The following RGS3 variants were observed in gnomAD, a reference collection of about 807,000 sequenced individuals.
RGS3 encodes the protein regulator of G protein signaling 3.
Under a neutral mutation model 132.6 loss-of-function variants are expected in RGS3, and 80 were observed. The observed-to-expected ratio is 0.60, with a 90% CI of 0.50 to 0.73. The LOEUF (loss-of-function observed/expected upper bound fraction) is 0.73, where lower values mean the gene tolerates loss of function less well. Ranked by LOEUF, RGS3 falls within the 30% of genes least tolerant of loss-of-function variation. The pLI is 0.00. For synonymous variants in RGS3, 598 were observed against 620.6 expected, an observed-to-expected ratio of 0.96 and a Z score of 0.54; for missense variants, 1,382 against 1,530.8, an observed-to-expected ratio of 0.90 and a Z score of 1.62.
At chr9:113,451,895 A>T (rs563802849) in intron 1 of RGS3, among the ~76,000 whole-genome samples, 1 of 152,230 alleles carries the variant, frequency 6.6e-6, no homozygotes, top group South Asian at 2.1e-4. Flanking sequence ...GCAGATGATG[A>T]ATTCAGTCAG....
chr9:113,508,344 T>C (rs1007122175), intron 13 of RGS3, among the ~76,000 whole-genome samples, 197 bp from the exon 12 acceptor site: 13 of 152,198 alleles, frequency 8.5e-5, no homozygotes, highest in African/African-American at 3.1e-4. Flanking sequence ...CCATAAAGCC[T>C]CTTTCAACTT....
chr9:113,494,513 C>A (rs1210816915), intron 7 of RGS3, among the ~76,000 whole-genome samples: 2 of 152,202 alleles, frequency 1.3e-5, no homozygotes, highest in African/African-American at 2.4e-5. Context: ...TTAGTGCTGA[C>A]TTGGCCACTT....
At chr9:113,475,905 A>C (rs764681978) in intron 3 of RGS3, among the ~76,000 whole-genome samples, 10 of 152,026 alleles carry the variant, frequency 6.6e-5, no homozygotes, top group Non-Finnish European at 1.5e-4. Context: ...AGACATTTCT[A>C]GGAGGCTGCC....
intron 3 of RGS3, among the ~76,000 whole-genome samples, chr9:113,476,603 G>A (rs929403596): frequency 2.6e-5 from 4 of 152,214 alleles, no homozygotes; most frequent in African/African-American, 9.6e-5. Context: ...TGGAACGGGA[G>A]CAGTGCAGTG....
chr9:113,590,557 TATCCATCCATCC>T (rs746005388), intron 20 of RGS3, among the ~76,000 whole-genome samples: 1,950 of 148,620 alleles, frequency 0.013, 52 homozygotes, highest in African/African-American at 0.044. Flanking sequence ...CCTATCCACA[TATCCATCCATCC>T]ATCCATCCAT....
rs146998797 is a variant in RGS3, at chr9:113,569,267, C to T, written c.2038-14183C>T. 1.8e-3 allele frequency among the ~76,000 whole-genome samples: 269 copies of T among 152,168 alleles called. 6 individuals carry two copies. The East Asian group carries it at 0.044, about 25-fold the overall frequency. ...TTAGCCTTGGGCAAATAGCAGAGCT[C>T]GGGGACTCAGGGAAGGGTGGCAGAG... is the stretch of plus-strand genomic sequence containing the variant. On this transcript the variant is annotated intron_variant, in intron 19 of 24. Transcript: ENST00000350696.
In RGS3 at chr9:113,464,643, G is replaced by C. The variant is rs1166531959; in HGVS notation, c.415+2442G>C. Among the ~76,000 whole-genome samples, 3 of 152,202 alleles carry C rather than the reference G, an allele frequency of 2.0e-5. No homozygotes were observed. The East Asian group carries it at 5.8e-4, about 29-fold the overall frequency. The stretch of plus-strand genomic sequence containing the variant: ...TGTGGAGAGGGGTTATTTTTCCTCT[G>C]TGAAGACTTGAAACCAAGAGATCTT... On this transcript the variant is annotated intron_variant, in intron 3 of 24. Transcript: ENST00000350696.
chr9:113,553,447 A>C (rs1186346644), intron 19 of RGS3, among the ~76,000 whole-genome samples: 1 of 101,478 alleles, frequency 9.9e-6, no homozygotes, highest in Non-Finnish European at 2.0e-5. Context: ...TGTTTAAAAA[A>C]AAAAAAAAAA....
At chr9:113,498,120 A>T in intron 10 of RGS3, 40 bp downstream of exon 8, 2 of 1,589,064 alleles carry the variant, frequency 1.3e-6, no homozygotes, top group Non-Finnish European at 1.7e-6. Flanking sequence ...CAGGAGCTGG[A>T]TCTGCTCCTT....
intron 20 of RGS3, 120 bp downstream of exon 18, chr9:113,584,547 G>C (rs964723023): frequency 1.7e-6 from 2 of 1,170,614 alleles, no homozygotes; most frequent in South Asian, 3.4e-5. Context: ...GCCTCCCAGC[G>C]AACTTTCCAC....
intron 10 of RGS3, among the ~76,000 whole-genome samples, chr9:113,501,982 C>T (rs532270706): frequency 5.3e-5 from 8 of 152,356 alleles, no homozygotes; most frequent in Admixed American, 5.2e-4. Flanking sequence ...TTTCCTGCTT[C>T]TGACAGGACA....
intron 16 of RGS3, 26 bp downstream of exon 14, chr9:113,517,650 G>A: frequency 1.3e-6 from 2 of 1,594,080 alleles, no homozygotes; most frequent in Non-Finnish European, 1.7e-6. Flanking sequence ...GCATTTTTTA[G>A]GGGGCTTTCT....
Position 113,507,690 on chromosome 9 carries a change from G to T in RGS3, c.1437+52G>T. The stretch of plus-strand genomic sequence containing the variant: ...GAAGGGTACTGGGTCCCTGTGGGAG[G>T]CCAGGAAGACTTGAAGACCCAAAGT... On this transcript the variant is annotated intron_variant, in intron 13 of 24. Transcript: ENST00000350696. The surrounding 1 kb of genome is among the most constrained non-coding windows in gnomAD (Gnocchi z 5.0). 1.4e-6 allele frequency: 2 copies of T among 1,394,570 alleles called. No individual in the cohort carries two copies. Among genetic ancestry groups the T allele is most frequent in the East Asian group, 2.5e-5 (1 of 39,314 alleles). 86.4% of individuals were successfully genotyped at this position (1,394,570 alleles called of 1,614,324 possible). A position where few individuals can be genotyped will look rare whatever the true frequency, so the allele number is the denominator to read the frequency against.
intron 16 of RGS3, chr9:113,522,367 TC>T (rs1831997409): frequency 6.6e-6 from 1 of 152,398 alleles, no homozygotes; most frequent in African/African-American, 2.4e-5. Context: ...GGGACTCTTC[TC>T]CCTGTTTGGG....
exon 20 of RGS3, chr9:113,583,773 A>T: frequency 6.2e-7 from 1 of 1,613,750 alleles, no homozygotes; most frequent in Non-Finnish European, 8.5e-7. Context: ...CTGGTCAAGA[A>T]CCCCTGCCTC....
At chr9:113,577,748 G>T (rs1834598778) in intron 19 of RGS3, among the ~76,000 whole-genome samples, 1 of 152,076 alleles carries the variant, frequency 6.6e-6, no homozygotes, top group African/African-American at 2.4e-5. Context: ...AGCAGATTTC[G>T]GTCTCCAGCC....
At chr9:113,466,928 C>G (rs1403817186) in intron 3 of RGS3, among the ~76,000 whole-genome samples, 1 of 152,160 alleles carries the variant, frequency 6.6e-6, no homozygotes. Context: ...TTCTCTCCCT[C>G]TGTAGATTTG....
At chr9:113,466,933 G>A (rs1460269551) in intron 3 of RGS3, among the ~76,000 whole-genome samples, 2 of 151,810 alleles carry the variant, frequency 1.3e-5, no homozygotes, top group Admixed American at 6.6e-5. Flanking sequence ...TCCCTCTGTA[G>A]ATTTGCCTGT....
intron 19 of RGS3, among the ~76,000 whole-genome samples, chr9:113,547,922 C>G (rs1194300483): frequency 6.6e-6 from 1 of 152,216 alleles, no homozygotes. Flanking sequence ...ACTGTTTCTA[C>G]TTGATGGAAG....
Sources: gnomAD v4.1 joint callset for allele counts (sites outside exome capture counted in the v4.1 genomes callset) on GRCh38, gnomAD v4.1.1 for gene constraint, Gnocchi (gnomAD v3.1) non-coding constraint, MANE v1.5 for transcripts, NCBI Gene and HGNC (gene_info 2026-07-23, HGNC 2026-07-21) for gene names.